Variants in BRIP1 observed in about 807,000 individuals in gnomAD.
The protein encoded by BRIP1 is BRCA1 interacting DNA helicase 1.
In BRIP1, 88 loss-of-function variants were observed where a neutral mutation model predicts 119.7. That is an observed-to-expected ratio of 0.74 (90% CI 0.62 to 0.88). BRIP1 has a LOEUF of 0.88. Among genes scored for constraint, BRIP1 ranks in the 40% least tolerant of loss-of-function variants. The pLI is 0.00. For missense variants in BRIP1, 1,259 were observed against 1,455.4 expected (o/e 0.87, Z 2.20); for synonymous variants, 443 against 496.5 (o/e 0.89, Z 1.43).
At position 61,842,762 on chromosome 17, in the gene BRIP1, C is replaced by G. The variant is rs1314454170; in HGVS notation, c.627+4339G>C. Among the ~76,000 whole-genome samples, 1 of 152,174 alleles carries G rather than the reference C, an allele frequency of 6.6e-6. No individual in the cohort carries two copies. Among genetic ancestry groups the G allele is most frequent in the Admixed American group, 6.5e-5 (1 of 15,276 alleles). On this transcript the variant is annotated intron_variant, in intron 6 of 19. Coordinates refer to ENST00000259008, the MANE Select transcript of BRIP1 (RefSeq NM_032043.3). The surrounding 1 kb of genome is among the most constrained non-coding windows in gnomAD (Gnocchi z 5.1). ...TCTACTACCACTTGGCGCTTAAACT[C>G]TAAGGTATGCCAGATACTCTCAGCA... is the stretch of plus-strand genomic sequence containing the variant.
chr17:61,703,253 G>C lies in BRIP1; in HGVS notation c.2493-9741C>G, dbSNP rs1332800895. Among the ~76,000 whole-genome samples, 1 of 152,060 alleles carries C rather than the reference G, an allele frequency of 6.6e-6. No homozygotes were observed. The highest frequency in any genetic ancestry group is 1.9e-4 in the East Asian group (1 of 5,170). On this transcript the variant is annotated intron_variant, in intron 17 of 19. Coordinates refer to ENST00000259008, the MANE Select transcript of BRIP1 (RefSeq NM_032043.3). This position sits in a 1 kb window ranked among gnomAD's most constrained non-coding sequence, Gnocchi z 5.0. ...TAATTTTTGTATTTTTAGTAGAGAT[G>C]GGGTTTTGCCATGTTGGGCAGAGTG...
intron 6 of BRIP1, among the ~76,000 whole-genome samples, chr17:61,835,874 A>T (rs2078564591): frequency 6.6e-6 from 1 of 152,120 alleles, no homozygotes; most frequent in African/African-American, 2.4e-5. Flanking sequence ...CATGCATGAA[A>T]ATAAATCCCA....
intron 6 of BRIP1, among the ~76,000 whole-genome samples, chr17:61,840,775 A>G (rs536202590): frequency 4.5e-4 from 69 of 152,326 alleles, no homozygotes; most frequent in African/African-American, 1.6e-3. Context: ...CTGAATAGCC[A>G]AAGTAATAGT....
In BRIP1 at chr17:61,827,056, T is replaced by C. The variant is rs1438149153; in HGVS notation, c.628-18299A>G. Among the ~76,000 whole-genome samples, 5 of 151,352 alleles carry C rather than the reference T, an allele frequency of 3.3e-5. No homozygotes were observed. Among genetic ancestry groups the C allele is most frequent in the Admixed American group, 3.3e-4 (5 of 15,166 alleles). ...TCAATGGTAGACTAGATTTTAAAAA[T>C]GTGGTACATATACACTGTGGAATAC... On this transcript the variant is annotated intron_variant, in intron 6 of 19. Coordinates refer to ENST00000259008, the MANE Select transcript of BRIP1 (RefSeq NM_032043.3). This position sits in a 1 kb window ranked among gnomAD's most constrained non-coding sequence, Gnocchi z 5.8.
At chr17:61,835,866 T>C (rs1567858475) in intron 6 of BRIP1, among the ~76,000 whole-genome samples, 1 of 152,064 alleles carries the variant, frequency 6.6e-6, no homozygotes, top group Non-Finnish European at 1.5e-5. Flanking sequence ...ACCTCATACA[T>C]GCATGAAAAT....
intron 17 of BRIP1, among the ~76,000 whole-genome samples, chr17:61,696,287 T>C (rs573383772): frequency 1.3e-5 from 2 of 152,126 alleles, no homozygotes; most frequent in South Asian, 2.1e-4. Flanking sequence ...TTATAAAGCA[T>C]GTTGAACCAG....
intron 5 of BRIP1, 123 bp from the exon 6 acceptor site, chr17:61,847,343 C>A: frequency 9.4e-7 from 1 of 1,063,556 alleles, no homozygotes; most frequent in Non-Finnish European, 1.4e-6. Context: ...CTATTTCTAA[C>A]AGGCAATAAT....
chr17:61,829,257 T>C (rs940757146), intron 6 of BRIP1, among the ~76,000 whole-genome samples: 7 of 152,064 alleles, frequency 4.6e-5, no homozygotes, highest in Non-Finnish European at 8.8e-5. Context: ...ATATATACTA[T>C]GGAAACATTA....
At chr17:61,719,750 A>C (rs73328541) in intron 16 of BRIP1, among the ~76,000 whole-genome samples, 1,521 of 151,566 alleles carry the variant, frequency 0.01, 32 homozygotes, top group African/African-American at 0.035. Flanking sequence ...GGTTAATCTC[A>C]TAAAAATAAA....
In BRIP1 at chr17:61,808,649, T is replaced by C. The variant is rs376893571; in HGVS notation, c.736A>G (p.Ile246Val). The change falls in exon 7 of 20, where the codon ATA becomes GTA. Residue 246 changes from isoleucine to valine, a missense_variant. Ile to Val is a conservative substitution (Grantham distance 29). Transcript: ENST00000259008. The surrounding 1 kb of genome is among the most constrained non-coding windows in gnomAD (Gnocchi z 4.1). Reference protein sequence around the residue: ...DHTGKSKIPKIYFGTRTHKQI... With the variant: ...DHTGKSKIPKVYFGTRTHKQI... ...TTGTGTGTGCGTGTCCCAAAATATA[T>C]TTTGGGTATCTTGGATTTCCCTGTA... 7.0e-5 allele frequency: 113 copies of C among 1,613,894 alleles called. No individual in the cohort carries two copies. In the South Asian group the frequency reaches 1.0e-3, roughly 15 times the overall value.
intron 17 of BRIP1, among the ~76,000 whole-genome samples, chr17:61,707,667 ACTTTTT>A (rs1187616317): frequency 6.6e-6 from 1 of 151,982 alleles, no homozygotes; most frequent in Non-Finnish European, 1.5e-5. Flanking sequence ...ATTTCTAAGC[ACTTTTT>A]CTTATTCTTT....
chr17:61,773,104 T>G (rs1280640179), intron 14 of BRIP1, among the ~76,000 whole-genome samples: 2 of 152,010 alleles, frequency 1.3e-5, no homozygotes, highest in Non-Finnish European at 2.9e-5. Flanking sequence ...GTTTTAATGA[T>G]ATGTATTATA....
chr17:61,707,161 C>T (rs2061702339), intron 17 of BRIP1, among the ~76,000 whole-genome samples: 1 of 151,974 alleles, frequency 6.6e-6, no homozygotes, highest in Non-Finnish European at 1.5e-5. Context: ...GATAGTTTGG[C>T]TCATGTAGAA....
In BRIP1 at chr17:61,704,932, T is replaced by C. The variant is rs1432468675; in HGVS notation, c.2492+11019A>G. On this transcript the variant is annotated intron_variant, in intron 17 of 19. Transcript: ENST00000259008. This position sits in a 1 kb window ranked among gnomAD's most constrained non-coding sequence, Gnocchi z 5.7. ...TTCAAAGAGTCTATTTTTTTCTGTTTTTCAACTTTTATTTTATTTTAGATT... is the reference window on the plus strand; with the variant it reads ...TTCAAAGAGTCTATTTTTTTCTGTTCTTCAACTTTTATTTTATTTTAGATT... Among the ~76,000 whole-genome samples the C allele has an allele frequency of 6.6e-6, 1 of 152,150 alleles. No homozygotes were observed. The highest frequency in any genetic ancestry group is 1.9e-4 in the East Asian group (1 of 5,200).
At position 61,828,083 on chromosome 17, in the gene BRIP1, G is replaced by C. The variant is rs367759896; in HGVS notation, c.627+19018C>G. On this transcript the variant is annotated intron_variant, in intron 6 of 19. Transcript: ENST00000259008. The surrounding 1 kb of genome is among the most constrained non-coding windows in gnomAD (Gnocchi z 4.1). ...GTATACCCAAACGAATGAAAACAGA[G>C]ACTCAAACAGATACGTACACCAATG... Among the ~76,000 whole-genome samples, 1 of 152,034 alleles carries C rather than the reference G, an allele frequency of 6.6e-6. No homozygotes were observed. Among genetic ancestry groups the C allele is most frequent in the East Asian group, 1.9e-4 (1 of 5,186 alleles).
rs1350465375 is a variant in BRIP1, at chr17:61,742,871, C to T, written c.2379+142G>A. The T allele has an allele frequency of 4.8e-6, 5 of 1,035,706 alleles. No individual in the cohort carries two copies. In the East Asian group the frequency reaches 1.3e-4, roughly 27 times the overall value. The allele number at this position is 1,035,706 out of a possible 1,614,324, so 64.2% of individuals were successfully genotyped here. ...GAAAAATGGTGCTGAAAGACTTGCACAATGCAGGGTTACCATAAACCTTCA... is the reference window on the plus strand; with the variant it reads ...GAAAAATGGTGCTGAAAGACTTGCATAATGCAGGGTTACCATAAACCTTCA... On this transcript the variant is annotated intron_variant, in intron 16 of 19. Coordinates refer to ENST00000259008, the MANE Select transcript of BRIP1 (RefSeq NM_032043.3). This position sits in a 1 kb window ranked among gnomAD's most constrained non-coding sequence, Gnocchi z 4.7.
At position 61,734,588 on chromosome 17, in the gene BRIP1, T is replaced by G. The variant is rs188311927; in HGVS notation, c.2379+8425A>C. On this transcript the variant is annotated intron_variant, in intron 16 of 19. Coordinates refer to ENST00000259008, the MANE Select transcript of BRIP1 (RefSeq NM_032043.3). This position sits in a 1 kb window ranked among gnomAD's most constrained non-coding sequence, Gnocchi z 5.2. ...ATGTGCAATAAATTATGACTTGAAC[T>G]AAACAAGTCACACTTGGCTCCAAAA... Among the ~76,000 whole-genome samples, 1 of 152,266 alleles carries G rather than the reference T, an allele frequency of 6.6e-6. No individual in the cohort carries two copies. The highest frequency in any genetic ancestry group is 1.9e-4 in the East Asian group (1 of 5,176).
In BRIP1 at chr17:61,809,107, C is replaced by A. The variant is rs957310055; in HGVS notation, c.628-350G>T. 6.6e-6 allele frequency among the ~76,000 whole-genome samples: 1 copy of A among 152,074 alleles called. No individual in the cohort carries two copies. Among genetic ancestry groups the A allele is most frequent in the African/African-American group, 2.4e-5 (1 of 41,422 alleles). On this transcript the variant is annotated intron_variant, in intron 6 of 19. Coordinates refer to ENST00000259008, the MANE Select transcript of BRIP1 (RefSeq NM_032043.3). This position sits in a 1 kb window ranked among gnomAD's most constrained non-coding sequence, Gnocchi z 5.2. ...GGAACAATTTTAATTTTTTCTTAGGCTTCATACGAACTTGTGATATTATAG... is the reference window on the plus strand; with the variant it reads ...GGAACAATTTTAATTTTTTCTTAGGATTCATACGAACTTGTGATATTATAG...
Position 61,724,761 on chromosome 17 carries a change from G to A in BRIP1, c.2380-8698C>T, listed in dbSNP as rs2076743316. On this transcript the variant is annotated intron_variant, in intron 16 of 19. Coordinates refer to ENST00000259008, the MANE Select transcript of BRIP1 (RefSeq NM_032043.3). The surrounding 1 kb of genome is among the most constrained non-coding windows in gnomAD (Gnocchi z 5.1). ...AAATGAGACTAAGGACAAATAATCA[G>A]CTAAACTACATAATTATAAAAATAT... Among the ~76,000 whole-genome samples, 1 of 152,064 alleles carries A rather than the reference G, an allele frequency of 6.6e-6. No homozygotes were observed. The highest frequency in any genetic ancestry group is 1.5e-5 in the Non-Finnish European group (1 of 67,996).
Sources: gnomAD v4.1 joint callset for allele counts (sites outside exome capture counted in the v4.1 genomes callset) on GRCh38, gnomAD v4.1.1 for gene constraint, Gnocchi (gnomAD v3.1) non-coding constraint, MANE v1.5 for transcripts, NCBI Gene and HGNC (gene_info 2026-07-23, HGNC 2026-07-21) for gene names.